Variants in CACNA1D observed in about 807,000 individuals in gnomAD.
CACNA1D encodes the protein voltage-dependent L-type calcium channel subunit alpha-1D.
A neutral mutation model predicts 257.1 loss-of-function variants in CACNA1D; 55 were observed. The observed-to-expected ratio is 0.21, with a 90% CI of 0.17 to 0.27. CACNA1D has a LOEUF of 0.27. Among genes scored for constraint, CACNA1D ranks in the 10% least tolerant of loss-of-function variants. The probability of loss-of-function intolerance (pLI) is 1.00; values close to 1 mark genes in which losing one functional copy is unlikely to be tolerated. For missense variants in CACNA1D, 1,876 were observed against 2,784.0 expected, an observed-to-expected ratio of 0.67 and a Z score of 7.34; for synonymous variants, 980 against 1,014.9, an observed-to-expected ratio of 0.97 and a Z score of 0.65.
intron 29 of CACNA1D, among the ~76,000 whole-genome samples, chr3:53,756,604 G>T (rs1028583060): frequency 3.9e-5 from 6 of 152,186 alleles, no homozygotes; most frequent in Admixed American, 1.3e-4. Context: ...TTCAACTTGG[G>T]GTCAACTAGA....
chr3:53,682,298 T>C (rs1363858010), intron 8 of CACNA1D, among the ~76,000 whole-genome samples: 1 of 122,002 alleles, frequency 8.2e-6, no homozygotes, highest in Non-Finnish European at 1.6e-5. Context: ...AAGGGTGAGG[T>C]GGAAGGGTTG....
chr3:53,655,580 T>A (rs1431252531), intron 4 of CACNA1D, among the ~76,000 whole-genome samples: 1 of 152,222 alleles, frequency 6.6e-6, no homozygotes, highest in East Asian at 1.9e-4. Context: ...ATGAACTTTT[T>A]AAAATATGCT....
At position 53,616,770 on chromosome 3, in the gene CACNA1D, T is replaced by G. The variant is rs141842418; in HGVS notation, c.484-34009T>G. On this transcript the variant is annotated intron_variant, in intron 3 of 47. Transcript: ENST00000350061. ...GGCAGGAGCCTGAAACTCAGAAGCA[T>G]GCCAGCTTTGCCTTGCCTTTTTTTC... Among the ~76,000 whole-genome samples the G allele has an allele frequency of 1.2e-3, 186 of 152,204 alleles. 1 individual carries two copies. Among genetic ancestry groups the G allele is most frequent in the East Asian group, 4.3e-3 (22 of 5,176 alleles).
intron 23 of CACNA1D, among the ~76,000 whole-genome samples, chr3:53,745,171 C>A (rs1313004197): frequency 6.6e-6 from 1 of 150,762 alleles, no homozygotes; most frequent in Non-Finnish European, 1.5e-5. Context: ...TTCTGTTTTC[C>A]TGAGTCATTT....
chr3:53,636,014 G>A (rs1407514372), intron 3 of CACNA1D, among the ~76,000 whole-genome samples: 3 of 152,052 alleles, frequency 2.0e-5, no homozygotes, highest in African/African-American at 7.2e-5. Flanking sequence ...CTGACCATTG[G>A]GTTTGCTTCT....
chr3:53,571,457 T>A (rs1316947732), intron 3 of CACNA1D, among the ~76,000 whole-genome samples: 1 of 152,144 alleles, frequency 6.6e-6, no homozygotes, highest in Non-Finnish European at 1.5e-5. Context: ...CTTGCCCAGC[T>A]CCATGGATTG....
intron 40 of CACNA1D, among the ~76,000 whole-genome samples, chr3:53,790,774 A>G (rs570005501): frequency 2.0e-5 from 3 of 152,382 alleles, no homozygotes; most frequent in East Asian, 3.9e-4. Context: ...GGGATCCTCC[A>G]CAGAGATTTA....
At chr3:53,795,699 T>G (rs1210872028) in intron 40 of CACNA1D, among the ~76,000 whole-genome samples, 1 of 152,234 alleles carries the variant, frequency 6.6e-6, no homozygotes, top group Non-Finnish European at 1.5e-5. Flanking sequence ...CTGGCAAGAC[T>G]TTTTTTGATT....
At chr3:53,651,361 A>ATTTTTT (rs1576235107) in intron 4 of CACNA1D, among the ~76,000 whole-genome samples, 24 of 57,130 alleles carry the variant, frequency 4.2e-4, no homozygotes, top group African/African-American at 1.2e-3. Flanking sequence ...AAAGCTATTA[A>ATTTTTT]TTTTCTTTTT....
At chr3:53,695,174 C>T (rs997965102) in intron 8 of CACNA1D, among the ~76,000 whole-genome samples, 8 of 152,088 alleles carry the variant, frequency 5.3e-5, no homozygotes, top group Admixed American at 2.0e-4. Flanking sequence ...GTCAGGTCCC[C>T]GTGGAGGAGG....
chr3:53,569,432 C>T (rs11715323), intron 3 of CACNA1D, among the ~76,000 whole-genome samples: 14,580 of 152,216 alleles, frequency 0.096, 725 homozygotes, highest in East Asian at 0.19. Flanking sequence ...TGGAGGACTC[C>T]GTTTACTGTT....
intron 8 of CACNA1D, among the ~76,000 whole-genome samples, chr3:53,685,274 A>G (rs914003037): frequency 5.3e-5 from 8 of 152,200 alleles, no homozygotes; most frequent in African/African-American, 1.9e-4. Flanking sequence ...AGAAGACACA[A>G]TGATCCTAAA....
intron 20 of CACNA1D, among the ~76,000 whole-genome samples, chr3:53,737,091 G>C (rs1388053920): frequency 1.3e-5 from 2 of 152,002 alleles, no homozygotes; most frequent in Admixed American, 1.3e-4. Context: ...TTGAGGTCAG[G>C]AGTTTGAGAC....
chr3:53,570,881 C>T (rs1047141562), intron 3 of CACNA1D, among the ~76,000 whole-genome samples: 1 of 152,230 alleles, frequency 6.6e-6, no homozygotes, highest in African/African-American at 2.4e-5. Context: ...GAGCTTGGAG[C>T]TGGGCATTGA....
chr3:53,772,963 T>G, intron 33 of CACNA1D, 65 bp downstream of exon 33: 1 of 1,310,654 alleles, frequency 7.6e-7, no homozygotes, highest in South Asian at 1.2e-5. Context: ...TGTGGCAAGA[T>G]GTACCCTGAC....
chr3:53,622,445 A>G (rs1163725220), intron 3 of CACNA1D, among the ~76,000 whole-genome samples: 1 of 152,246 alleles, frequency 6.6e-6, no homozygotes, highest in Non-Finnish European at 1.5e-5. Context: ...GCGGCCATTA[A>G]AAAGAACAAG....
chr3:53,703,783 A>C (rs905693991), intron 9 of CACNA1D, among the ~76,000 whole-genome samples: 4 of 152,176 alleles, frequency 2.6e-5, no homozygotes, highest in Non-Finnish European at 4.4e-5. Context: ...TGCTGGGTAC[A>C]GGGGAAACCC....
At position 53,495,634 on chromosome 3, in the gene CACNA1D, C is replaced by T. The variant is rs1376872007; in HGVS notation, c.67+401C>T. On this transcript the variant is annotated intron_variant, in intron 1 of 47. Transcript: ENST00000350061. This position sits in a 1 kb window ranked among gnomAD's most constrained non-coding sequence, Gnocchi z 5.1. ...TCGCCTTCCACTCCTCCCCCGCCCC[C>T]TCGTTGACTAGGAAGAAGGTCCCTG... is the stretch of plus-strand genomic sequence containing the variant. Among the ~76,000 whole-genome samples the T allele has an allele frequency of 1.3e-5, 2 of 152,248 alleles. No homozygotes were observed. The highest frequency in any genetic ancestry group is 4.8e-5 in the African/African-American group (2 of 41,476).
rs760765244 is a variant in CACNA1D at position 53,730,394 on chromosome 3, C to T, written c.2222-48C>T. ...TGTGGCGTTGCCATTGTTGGCCGCACGTAGTTGCATTTAGTAGTGTGTTGT... is the reference window on the plus strand; with the variant it reads ...TGTGGCGTTGCCATTGTTGGCCGCATGTAGTTGCATTTAGTAGTGTGTTGT... On this transcript the variant is annotated intron_variant, in intron 15 of 47. Transcript: ENST00000350061. 36 of 1,267,140 alleles carry T rather than the reference C, an allele frequency of 2.8e-5. 1 individual carries two copies. The Middle Eastern group carries it at 2.0e-3, about 72-fold the overall frequency. 78.5% of individuals were successfully genotyped at this position (1,267,140 alleles called of 1,614,324 possible).
Sources: allele counts gnomAD v4.1 joint callset (sites outside exome capture counted in the v4.1 genomes callset), GRCh38; gene constraint gnomAD v4.1.1; non-coding constraint Gnocchi (gnomAD v3.1); transcripts MANE v1.5; gene names NCBI Gene and HGNC (gene_info 2026-07-23, HGNC 2026-07-21).